The following DAPK1 variants were observed in gnomAD, a reference collection of about 807,000 sequenced individuals.
DAPK1 encodes the protein death-associated protein kinase 1.
In DAPK1, 56 loss-of-function variants were observed where a neutral mutation model predicts 144.9. The ratio of observed to expected loss-of-function variants is 0.39; its 90% confidence interval spans 0.31 to 0.48. The LOEUF (loss-of-function observed/expected upper bound fraction) is 0.48, where lower values mean the gene tolerates loss of function less well. Ranked by LOEUF, DAPK1 falls within the 20% of genes least tolerant of loss-of-function variation. The pLI is 0.95. For synonymous variants in DAPK1, 690 were observed against 749.0 expected, an observed-to-expected ratio of 0.92 and a Z score of 1.29; for missense variants, 1,454 against 1,875.4, an observed-to-expected ratio of 0.78 and a Z score of 4.15.
chr9:87,705,239 AAT>A lies in DAPK1; in HGVS notation c.3061-892_3061-891del, dbSNP rs1491322410. Among the ~76,000 whole-genome samples, 4 of 133,578 alleles carry A rather than the reference AAT, an allele frequency of 3.0e-5. 1 individual carries two copies. The highest frequency in any genetic ancestry group is 1.2e-4 in the African/African-American group (4 of 32,142). The allele number at this position is 133,578 out of a possible 152,430, so 87.6% of individuals were successfully genotyped here. On this transcript the variant is annotated intron_variant, in intron 25 of 25. Coordinates refer to ENST00000408954, the MANE Select transcript of DAPK1 (RefSeq NM_004938.4). ...TATTTATTTTTTTAATTAATTAATT[AAT>A]TTTTTTTTTTTTTTTTTTGAGATAG...
intron 2 of DAPK1, among the ~76,000 whole-genome samples, chr9:87,582,511 A>G (rs181589124): frequency 4.0e-5 from 6 of 150,386 alleles, no homozygotes; most frequent in South Asian, 2.1e-4. Context: ...ACTGATGGCC[A>G]TGAAGTGTTT....
rs369362660 is a variant in DAPK1 at position 87,706,599 on chromosome 9, G to A, written c.3528G>A (p.Leu1176=). ...DIRLWVNGCK[L]ANRGAELLVL... ...GCCTGTGGGTGAATGGCTGCAAGCT[G>A]GCCAACCGTGGGGCCGAGCTGCTGG... Residue 1176 remains leucine, a synonymous_variant, in exon 26 of 26, where the codon CTG becomes CTA. Transcript: ENST00000408954. The surrounding 1 kb of genome is among the most constrained non-coding windows in gnomAD (Gnocchi z 9.0). 15 of 1,613,514 alleles carry A rather than the reference G, an allele frequency of 9.3e-6. No individual in the cohort carries two copies. The highest frequency in any genetic ancestry group is 1.7e-5 in the Admixed American group (1 of 60,002).
intron 3 of DAPK1, among the ~76,000 whole-genome samples, chr9:87,607,972 A>G (rs1202253959): frequency 6.6e-6 from 1 of 152,210 alleles, no homozygotes; most frequent in Non-Finnish European, 1.5e-5. Flanking sequence ...CAATGATGGC[A>G]GAAGGTAAAG....
intron 23 of DAPK1, among the ~76,000 whole-genome samples, 197 bp from the exon 24 acceptor site, chr9:87,699,920 C>G (rs1387345707): frequency 1.6e-4 from 25 of 152,164 alleles, no homozygotes; most frequent in Admixed American, 1.6e-3. Flanking sequence ...AGACTATATG[C>G]CAGTTTCCCC....
At chr9:87,547,872 T>C (rs1462169245) in intron 2 of DAPK1, among the ~76,000 whole-genome samples, 1 of 152,174 alleles carries the variant, frequency 6.6e-6, no homozygotes, top group Non-Finnish European at 1.5e-5. Context: ...GATGTTAATC[T>C]CCTGGTAAAT....
chr9:87,698,714 C>A lies in DAPK1; in HGVS notation c.2670C>A (p.Asp890Glu). ...TTGTCCTGGTGGCCACCCACGCTGA[C>A]ATCATGAATGTTCCTCGACCGGCTG... ...LQVVLVATHA[D>E]IMNVPRPAGG... The change falls in exon 23 of 26, where the codon GAC becomes GAA. Residue 890 changes from aspartate (D) to glutamate (E), a missense_variant. By Grantham distance (45) the Asp-to-Glu change is conservative. This residue lies in a region of DAPK1 where 1,025 missense variants were observed against 1,237.9 expected (regional missense o/e 0.83). Transcript: ENST00000408954. 1 of 1,596,758 alleles carries A rather than the reference C, an allele frequency of 6.3e-7. No homozygotes were observed. Among genetic ancestry groups the A allele is most frequent in the Non-Finnish European group, 8.6e-7 (1 of 1,164,076 alleles).
intron 14 of DAPK1, among the ~76,000 whole-genome samples, chr9:87,647,902 T>G (rs928732361): frequency 7.2e-5 from 11 of 152,252 alleles, no homozygotes; most frequent in Non-Finnish European, 1.5e-4. Context: ...CAAGATACCT[T>G]GTTTTCATAT....
intron 2 of DAPK1, among the ~76,000 whole-genome samples, chr9:87,601,565 G>A (rs1399087326): frequency 6.6e-6 from 1 of 152,082 alleles, no homozygotes; most frequent in African/African-American, 2.4e-5. Context: ...TGAGAGGTAG[G>A]TACTTGGGGG....
intron 24 of DAPK1, chr9:87,702,019 A>C (rs1440926150): frequency 3.1e-6 from 1 of 327,850 alleles, no homozygotes; most frequent in Admixed American, 3.7e-5. Flanking sequence ...TTGAGGCTGC[A>C]TTCCTGAGGC....
At chr9:87,610,211 C>T (rs1206065619) in intron 3 of DAPK1, among the ~76,000 whole-genome samples, 6 of 152,216 alleles carry the variant, frequency 3.9e-5, no homozygotes, top group Non-Finnish European at 8.8e-5. Flanking sequence ...GTCATTGCAG[C>T]TCAGCATAGC....
chr9:87,606,764 T>C lies in DAPK1; in HGVS notation c.284+1589T>C, dbSNP rs867322570. Among the ~76,000 whole-genome samples the C allele has an allele frequency of 3.5e-3, 327 of 93,646 alleles. 1 individual carries two copies. The highest frequency in any genetic ancestry group is 0.013 in the African/African-American group (308 of 23,300). The allele number at this position is 93,646 out of a possible 152,430, so 61.4% of individuals were successfully genotyped here. On this transcript the variant is annotated intron_variant, in intron 3 of 25. Coordinates refer to ENST00000408954, the MANE Select transcript of DAPK1 (RefSeq NM_004938.4). ...CTCCTTCCTTCCTTCTTTCCTTCCT[T>C]CCTCCCTCCCTCCCTCCCTCCTTTT...
Position 87,636,910 on chromosome 9 carries a change from C to G in DAPK1, c.285-1033C>G, listed in dbSNP as rs556861465. Reference sequence around the variant, plus strand: ...TTAGGGGAGCTTGTTCGTCCATCCACCTGATAAAGTTTTGAATGCATGCTG... The same window carrying G: ...TTAGGGGAGCTTGTTCGTCCATCCAGCTGATAAAGTTTTGAATGCATGCTG... On this transcript the variant is annotated intron_variant, in intron 3 of 25. Transcript: ENST00000408954. Among the ~76,000 whole-genome samples, 8 of 152,230 alleles carry G rather than the reference C, an allele frequency of 5.3e-5. No homozygotes were observed. The South Asian group carries it at 1.7e-3, about 32-fold the overall frequency.
intron 2 of DAPK1, among the ~76,000 whole-genome samples, chr9:87,508,248 G>A (rs1824684453): frequency 6.6e-6 from 1 of 151,984 alleles, no homozygotes; most frequent in Non-Finnish European, 1.5e-5. Flanking sequence ...CTGACCTCAG[G>A]TGATCTGCCC....
At chr9:87,592,979 C>T (rs985997050) in intron 2 of DAPK1, among the ~76,000 whole-genome samples, 5 of 152,158 alleles carry the variant, frequency 3.3e-5, no homozygotes, top group Admixed American at 6.5e-5. Context: ...CTGTAGACAT[C>T]ATGGGAAATG....
Position 87,643,449 on chromosome 9 carries a change from C to A in DAPK1, c.992C>A (p.Ala331Asp). Residue 331 changes from alanine (A) to aspartate (D), a missense_variant, in exon 11 of 26, where the codon GCC becomes GAC. Around this residue, in one of 2 missense-constraint regions of DAPK1, gnomAD observed 429 missense variants for 637.5 expected, o/e 0.67. Coordinates refer to ENST00000408954, the MANE Select transcript of DAPK1 (RefSeq NM_004938.4). ...CTGTCCAGAAGTAACATGAGTGTTGCCAGAAGCGATGATACTCTGGTAAGC... is the reference window on the plus strand; with the variant it reads ...CTGTCCAGAAGTAACATGAGTGTTGACAGAAGCGATGATACTCTGGTAAGC... ...SFLSRSNMSV[A>D]RSDDTLDEED... 1 of 1,608,424 alleles carries A rather than the reference C, an allele frequency of 6.2e-7. No individual in the cohort carries two copies. The highest frequency in any genetic ancestry group is 8.5e-7 in the Non-Finnish European group (1 of 1,177,342).
Position 87,646,537 on chromosome 9 carries a change from C to T in DAPK1, c.1208C>T (p.Ser403Leu), listed in dbSNP as rs772431146. Residue 403 changes from serine (S) to leucine (L), a missense_variant, in exon 13 of 26, where the codon TCG (serine) becomes TTG (leucine). Coordinates refer to ENST00000408954, the MANE Select transcript of DAPK1 (RefSeq NM_004938.4). ...QILQLLIKRG[S>L]RIDVQDKGGS... ...CTACAGTTGCTCATTAAAAGAGGCT[C>T]GAGAATCGATGTCCAGGATAAGGTC... 2 of 1,612,094 alleles carry T rather than the reference C, an allele frequency of 1.2e-6. No homozygotes were observed. The highest frequency in any genetic ancestry group is 1.1e-5 in the South Asian group (1 of 91,010).
Position 87,513,046 on chromosome 9 carries a change from A to G in DAPK1, c.62+13907A>G, listed in dbSNP as rs577445945. Among the ~76,000 whole-genome samples the G allele has an allele frequency of 1.1e-4, 17 of 152,364 alleles. No homozygotes were observed. The South Asian group carries it at 3.5e-3, about 32-fold the overall frequency. ...GTAACATAACACTGACAAAATCTGAAAAGGAAAATACTTGGAAATTGGGTC... is the reference window on the plus strand; with the variant it reads ...GTAACATAACACTGACAAAATCTGAGAAGGAAAATACTTGGAAATTGGGTC... On this transcript the variant is annotated intron_variant, in intron 2 of 25. Coordinates refer to ENST00000408954, the MANE Select transcript of DAPK1 (RefSeq NM_004938.4).
chr9:87,647,066 A>G (rs1268955611), intron 13 of DAPK1, among the ~76,000 whole-genome samples: 2 of 152,230 alleles, frequency 1.3e-5, no homozygotes, highest in African/African-American at 4.8e-5. Context: ...AAAGTTGGAA[A>G]AGTGGTACAG....
chr9:87,497,763 C>G, upstream of DAPK1: 1 of 327,328 alleles, frequency 3.1e-6, no homozygotes. Flanking sequence ...CCTGGCAGGG[C>G]AGCTCGGAGG....
Sources: gnomAD v4.1 joint callset for allele counts (sites outside exome capture counted in the v4.1 genomes callset) on GRCh38, gnomAD v4.1.1 for gene constraint, gnomAD v4.1.1 regional missense constraint, Gnocchi (gnomAD v3.1) non-coding constraint, MANE v1.5 for transcripts, NCBI Gene and HGNC (gene_info 2026-07-23, HGNC 2026-07-21) for gene names.